The following CDK19 variants were observed in gnomAD, a reference collection of about 807,000 sequenced individuals.
The protein encoded by CDK19 is cyclin dependent kinase 19, also known as cyclin-dependent kinase 19.
In CDK19, 20 loss-of-function variants were observed where a neutral mutation model predicts 68.3. The observed-to-expected ratio is 0.29, with a 90% CI of 0.21 to 0.43. CDK19 has a LOEUF of 0.43. Among genes scored for constraint, CDK19 ranks in the 20% least tolerant of loss-of-function variants. The pLI, the probability that CDK19 is intolerant of heterozygous loss-of-function variation, is 1.00. For synonymous variants in CDK19, 221 were observed against 222.8 expected (o/e 0.99, Z 0.07); for missense variants, 339 against 623.5 (o/e 0.54, Z 4.86).
At chr6:110,750,233 G>C (rs534916879) in intron 1 of CDK19, among the ~76,000 whole-genome samples, 1 of 145,882 alleles carries the variant, frequency 6.9e-6, no homozygotes, top group South Asian at 2.4e-4. Context: ...TTACTGTGAT[G>C]TAAGTGTGAG....
intron 4 of CDK19, chr6:110,646,237 C>A (rs1780564830): frequency 6.7e-7 from 1 of 1,484,594 alleles, no homozygotes; most frequent in African/African-American, 1.4e-5. Flanking sequence ...GAGCTGCTGG[C>A]TCTGTGGCCG....
At chr6:110,749,684 A>C (rs1487706069) in intron 1 of CDK19, among the ~76,000 whole-genome samples, 1 of 152,080 alleles carries the variant, frequency 6.6e-6, no homozygotes, top group Non-Finnish European at 1.5e-5. Flanking sequence ...TTTGATGCAA[A>C]CAATTCTATA....
chr6:110,736,791 C>T (rs759286269), intron 2 of CDK19, among the ~76,000 whole-genome samples: 4 of 152,124 alleles, frequency 2.6e-5, no homozygotes, highest in South Asian at 2.1e-4. Flanking sequence ...TATTCAGACT[C>T]GGAGCCAAGC....
chr6:110,675,052 A>G (rs530374748), intron 2 of CDK19, among the ~76,000 whole-genome samples: 1 of 152,354 alleles, frequency 6.6e-6, no homozygotes, highest in South Asian at 2.1e-4. Context: ...AGTCACCTCT[A>G]TAACATAAAA....
chr6:110,691,009 G>T, intron 2 of CDK19, among the ~76,000 whole-genome samples: 1 of 152,132 alleles, frequency 6.6e-6, no homozygotes, highest in South Asian at 2.1e-4. Context: ...TAGCCCTCCA[G>T]CAATGGATCC....
At chr6:110,687,786 C>A (rs1772613200) in intron 2 of CDK19, among the ~76,000 whole-genome samples, 1 of 152,136 alleles carries the variant, frequency 6.6e-6, no homozygotes, top group Non-Finnish European at 1.5e-5. Flanking sequence ...GAAAAAGAAT[C>A]TAGAAATCAC....
chr6:110,701,675 C>T (rs1412155861), intron 2 of CDK19, among the ~76,000 whole-genome samples: 2 of 152,098 alleles, frequency 1.3e-5, no homozygotes, highest in Admixed American at 1.3e-4. Context: ...ATGACTATCT[C>T]AACTGAAGAA....
intron 1 of CDK19, among the ~76,000 whole-genome samples, chr6:110,770,669 A>G (rs1779954202): frequency 6.6e-6 from 1 of 152,182 alleles, no homozygotes; most frequent in African/African-American, 2.4e-5. Context: ...GAGTCCCTCA[A>G]AGTCTTAACT....
intron 1 of CDK19, among the ~76,000 whole-genome samples, chr6:110,781,711 C>A (rs192108107): frequency 6.6e-6 from 1 of 151,938 alleles, no homozygotes. Context: ...AGGCGTGTTG[C>A]CACATCCTGG....
In CDK19 at chr6:110,693,928, T is replaced by C. The variant is rs569887203; in HGVS notation, c.205-23387A>G. Reference sequence around the variant, plus strand: ...ATAAAGTATTTTTCAAACAAGCAATTGCTGAGTGAATTCGCCACTACCAAG... The same window carrying C: ...ATAAAGTATTTTTCAAACAAGCAATCGCTGAGTGAATTCGCCACTACCAAG... On this transcript the variant is annotated intron_variant, in intron 2 of 12. Coordinates refer to ENST00000368911, the MANE Select transcript of CDK19 (RefSeq NM_015076.5). Among the ~76,000 whole-genome samples the C allele has an allele frequency of 6.6e-5, 10 of 152,236 alleles. No homozygotes were observed. The South Asian group carries it at 2.1e-3, about 32-fold the overall frequency.
chr6:110,802,795 C>T (rs188479127), intron 1 of CDK19, among the ~76,000 whole-genome samples: 2 of 152,096 alleles, frequency 1.3e-5, no homozygotes, highest in Admixed American at 6.5e-5. Context: ...AAAGTATTTA[C>T]TAGAAACAAA....
At chr6:110,710,720 T>C (rs1228114804) in intron 2 of CDK19, among the ~76,000 whole-genome samples, 1 of 152,182 alleles carries the variant, frequency 6.6e-6, no homozygotes, top group African/African-American at 2.4e-5. Flanking sequence ...ATCTCATTCA[T>C]GAGTGTGAAG....
intron 1 of CDK19, among the ~76,000 whole-genome samples, chr6:110,749,426 T>A (rs760933876): frequency 6.6e-6 from 1 of 151,856 alleles, no homozygotes; most frequent in Non-Finnish European, 1.5e-5. Flanking sequence ...AGTAGCACGA[T>A]CTGGGCTCAC....
chr6:110,759,428 A>ATATATATAT (rs1554219514), intron 1 of CDK19, among the ~76,000 whole-genome samples: 7 of 50,906 alleles, frequency 1.4e-4, no homozygotes, highest in Non-Finnish European at 2.3e-4. Context: ...AAAAAAAAAA[A>ATATATATAT]ATATATATAT....
At chr6:110,780,759 C>T (rs946662579) in intron 1 of CDK19, among the ~76,000 whole-genome samples, 4 of 151,852 alleles carry the variant, frequency 2.6e-5, no homozygotes, top group Admixed American at 6.6e-5. Context: ...GAAGAATGTT[C>T]CAAGGTACTA....
intron 2 of CDK19, among the ~76,000 whole-genome samples, chr6:110,696,716 T>C (rs1773515724): frequency 6.6e-6 from 1 of 151,350 alleles, no homozygotes; most frequent in Non-Finnish European, 1.5e-5. Flanking sequence ...GAGGCCAGGA[T>C]TTCGAGACCA....
intron 1 of CDK19, among the ~76,000 whole-genome samples, chr6:110,781,632 C>CAGG (rs905648954): frequency 1.3e-5 from 2 of 152,042 alleles, no homozygotes; most frequent in Non-Finnish European, 2.9e-5. Flanking sequence ...GGCATGAGCT[C>CAGG]AGGAGTTCAA....
chr6:110,674,908 A>G (rs1771363127), intron 2 of CDK19, among the ~76,000 whole-genome samples: 1 of 152,058 alleles, frequency 6.6e-6, no homozygotes, highest in Non-Finnish European at 1.5e-5. Flanking sequence ...TCTCAAAAAA[A>G]AAAAAAAAAG....
chr6:110,745,419 GACTAATAACATCTC>G lies in CDK19; in HGVS notation c.204+693_204+706del, dbSNP rs768435726. 1.3e-3 allele frequency among the ~76,000 whole-genome samples: 201 copies of G among 152,006 alleles called. 2 individuals are homozygous for G. The highest frequency in any genetic ancestry group is 2.0e-3 in the Non-Finnish European group (133 of 67,986). On this transcript the variant is annotated intron_variant, in intron 2 of 12. Coordinates refer to ENST00000368911, the MANE Select transcript of CDK19 (RefSeq NM_015076.5). The stretch of plus-strand genomic sequence containing the variant: ...TATTATAATGGTCTTATTTTCTGGT[GACTAATAACATCTC>G]ACTATATTATATATTTCAGAAATAG...
Sources: allele counts gnomAD v4.1 joint callset (sites outside exome capture counted in the v4.1 genomes callset), GRCh38; gene constraint gnomAD v4.1.1; transcripts MANE v1.5; gene names NCBI Gene and HGNC (gene_info 2026-07-23, HGNC 2026-07-21).